The following AFG2A variants were observed in gnomAD, a reference collection of about 807,000 sequenced individuals.
The protein encoded by AFG2A is ATPase family gene 2 protein homolog A.
chr4:122,956,669 C>T, the AFG2A span, among the ~76,000 whole-genome samples: 5 of 152,106 alleles, frequency 3.3e-5, no homozygotes, highest in Non-Finnish European at 7.4e-5. Flanking sequence ...CTTGCTCTGT[C>T]GCCCAGGCTG....
the AFG2A span, among the ~76,000 whole-genome samples, chr4:123,033,667 A>G: frequency 2.6e-5 from 4 of 152,220 alleles, no homozygotes; most frequent in South Asian, 2.1e-4. Context: ...ACCTGTTAGT[A>G]TATAATTTGT....
At chr4:123,013,427 AT>A in the AFG2A span, among the ~76,000 whole-genome samples, 1 of 152,038 alleles carries the variant, frequency 6.6e-6, no homozygotes, top group Non-Finnish European at 1.5e-5. Flanking sequence ...CTTTATTTTT[AT>A]TTTATTTTAC....
the AFG2A span, among the ~76,000 whole-genome samples, chr4:123,017,414 A>ATTTTTTTTTTTTTT: frequency 9.4e-5 from 7 of 74,732 alleles, 1 homozygote; most frequent in African/African-American, 2.1e-4. Flanking sequence ...AGCATGGGAA[A>ATTTTTTTTTTTTTT]TTTTTTTTTT....
chr4:123,029,544 T>G, the AFG2A span, among the ~76,000 whole-genome samples: 7 of 152,218 alleles, frequency 4.6e-5, no homozygotes, highest in African/African-American at 1.4e-4. Flanking sequence ...TTTTTTATTT[T>G]CTGGAAGATA....
the AFG2A span, among the ~76,000 whole-genome samples, chr4:123,158,891 A>G: frequency 3.3e-5 from 5 of 152,242 alleles, no homozygotes; most frequent in Non-Finnish European, 5.9e-5. Flanking sequence ...ATGGTCTCCT[A>G]GATTTTAGAA....
At chr4:123,206,380 T>C in the AFG2A span, among the ~76,000 whole-genome samples, 1 of 152,134 alleles carries the variant, frequency 6.6e-6, no homozygotes, top group African/African-American at 2.4e-5. Context: ...ACTCTGTAAG[T>C]GTGCCCGATT....
At chr4:123,057,881 C>T in the AFG2A span, among the ~76,000 whole-genome samples, 5 of 151,930 alleles carry the variant, frequency 3.3e-5, no homozygotes, top group Non-Finnish European at 7.4e-5. Context: ...GTATAGCGGT[C>T]CTTTAATATG....
At chr4:123,156,779 A>T in the AFG2A span, among the ~76,000 whole-genome samples, 1 of 151,412 alleles carries the variant, frequency 6.6e-6, no homozygotes, top group Non-Finnish European at 1.5e-5. Context: ...AAAAAAAAGA[A>T]AAAAAAAGAA....
the AFG2A span, among the ~76,000 whole-genome samples, chr4:123,064,857 T>C: frequency 1.3e-5 from 2 of 152,170 alleles, no homozygotes; most frequent in African/African-American, 4.8e-5. Context: ...GCTCATCTTT[T>C]TTACTTAACT....
chr4:122,994,811 A>G, the AFG2A span, among the ~76,000 whole-genome samples: 4 of 152,180 alleles, frequency 2.6e-5, no homozygotes, highest in African/African-American at 4.8e-5. Context: ...GTTGGCTATC[A>G]AATTGAGTGT....
the AFG2A span, among the ~76,000 whole-genome samples, chr4:123,282,925 G>A: frequency 1.3e-5 from 2 of 152,152 alleles, no homozygotes; most frequent in Non-Finnish European, 2.9e-5. Flanking sequence ...CTTTGACACA[G>A]AAGGGGAAAG....
chr4:123,138,902 A>G, the AFG2A span, among the ~76,000 whole-genome samples: 10 of 152,086 alleles, frequency 6.6e-5, no homozygotes, highest in East Asian at 9.6e-4. Flanking sequence ...ATATACATGT[A>G]TATGTATAAA....
the AFG2A span, among the ~76,000 whole-genome samples, chr4:123,207,188 G>C: frequency 6.6e-6 from 1 of 151,822 alleles, no homozygotes; most frequent in Admixed American, 6.6e-5. Flanking sequence ...GTTGTTCTAC[G>C]TAAAAGTGAT....
At chr4:123,243,952 G>A in the AFG2A span, among the ~76,000 whole-genome samples, 6 of 152,084 alleles carry the variant, frequency 3.9e-5, no homozygotes, top group African/African-American at 1.4e-4. Context: ...GACCCTGGAG[G>A]TCAAGTCTGT....
the AFG2A span, among the ~76,000 whole-genome samples, chr4:123,104,555 A>G: frequency 1.3e-5 from 2 of 152,240 alleles, no homozygotes; most frequent in Non-Finnish European, 2.9e-5. Context: ...AAAAGCTGAG[A>G]GAGGCCAAAA....
the AFG2A span, among the ~76,000 whole-genome samples, chr4:123,105,708 A>G: frequency 6.6e-6 from 1 of 152,194 alleles, no homozygotes; most frequent in Non-Finnish European, 1.5e-5. Context: ...GTAACTACAG[A>G]TAAGGTAGAT....
the AFG2A span, among the ~76,000 whole-genome samples, chr4:123,172,764 CT>C: frequency 0.011 from 1,725 of 152,204 alleles, 34 homozygotes; most frequent in South Asian, 0.093. Context: ...GTTTACAATA[CT>C]GGGACTACTA....
the AFG2A span, among the ~76,000 whole-genome samples, chr4:123,003,124 C>T: frequency 1.3e-5 from 2 of 152,214 alleles, no homozygotes; most frequent in African/African-American, 4.8e-5. Context: ...GCATTCTTCA[C>T]GTAGTTCTCG....
chr4:123,278,373 T>A, the AFG2A span, among the ~76,000 whole-genome samples: 2 of 152,028 alleles, frequency 1.3e-5, no homozygotes, highest in African/African-American at 4.8e-5. Flanking sequence ...TAGCTAGCAG[T>A]CTATCTGTCT....
Sources: gnomAD v4.1 joint callset for allele counts (sites outside exome capture counted in the v4.1 genomes callset) on GRCh38, gnomAD v4.1.1 for gene constraint, MANE v1.5 for transcripts, NCBI Gene and HGNC (gene_info 2026-07-23, HGNC 2026-07-21) for gene names.